UBE2E3: variants seen among roughly 807,000 people sequenced by gnomAD.
UBE2E3 encodes the protein ubiquitin conjugating enzyme E2 E3, also known as ubiquitin-conjugating enzyme E2 E3.
Under a neutral mutation model 23.6 loss-of-function variants are expected in UBE2E3, and 5 were observed. The observed-to-expected ratio is 0.21, with a 90% CI of 0.11 to 0.44. The LOEUF (loss-of-function observed/expected upper bound fraction) is 0.44, where lower values mean the gene tolerates loss of function less well. Ranked by LOEUF, UBE2E3 falls within the 20% of genes least tolerant of loss-of-function variation. UBE2E3 has a pLI of 0.99. For synonymous variants in UBE2E3, 78 were observed against 87.5 expected (o/e 0.89, Z 0.60); for missense variants, 81 against 249.8 (o/e 0.32, Z 4.55).
At chr2:181,039,298 T>C (rs1283951773) in intron 3 of UBE2E3, among the ~76,000 whole-genome samples, 2 of 152,054 alleles carry the variant, frequency 1.3e-5, no homozygotes, top group Non-Finnish European at 2.9e-5. Flanking sequence ...TATAAATAAA[T>C]TTATACTTCA....
intron 3 of UBE2E3, among the ~76,000 whole-genome samples, chr2:181,055,997 A>C (rs1371694242): frequency 6.6e-6 from 1 of 151,428 alleles, no homozygotes; most frequent in Non-Finnish European, 1.5e-5. Flanking sequence ...TTCTTACAAC[A>C]TTCGCACTGA....
At chr2:180,986,612 A>C (rs1684479015) in intron 3 of UBE2E3, among the ~76,000 whole-genome samples, 1 of 152,164 alleles carries the variant, frequency 6.6e-6, no homozygotes, top group Admixed American at 6.5e-5. Flanking sequence ...GCTATAATTA[A>C]AAATGGAATC....
chr2:181,041,146 G>T (rs1221282103), intron 3 of UBE2E3, among the ~76,000 whole-genome samples: 1 of 147,242 alleles, frequency 6.8e-6, no homozygotes, highest in Non-Finnish European at 1.5e-5. Context: ...TACTTGGGTG[G>T]CTGAGGCAGG....
intron 3 of UBE2E3, among the ~76,000 whole-genome samples, chr2:181,051,033 C>T (rs1449292926): frequency 6.6e-6 from 1 of 151,740 alleles, no homozygotes; most frequent in Non-Finnish European, 1.5e-5. Flanking sequence ...ACTTTCTTCC[C>T]AGTCTCATTC....
At chr2:180,990,531 C>T (rs1325179102) in intron 3 of UBE2E3, among the ~76,000 whole-genome samples, 1 of 152,130 alleles carries the variant, frequency 6.6e-6, no homozygotes, top group Non-Finnish European at 1.5e-5. Flanking sequence ...TTACATATGT[C>T]TTATATTATT....
Position 180,995,357 on chromosome 2 carries a change from A to G in UBE2E3, c.245+11264A>G, listed in dbSNP as rs539228263. 2.0e-5 allele frequency among the ~76,000 whole-genome samples: 3 copies of G among 152,308 alleles called. No individual in the cohort carries two copies. The South Asian group carries it at 6.2e-4, about 32-fold the overall frequency. On this transcript the variant is annotated intron_variant, in intron 3 of 5. Transcript: ENST00000410062. Reference sequence around the variant, plus strand: ...CATTTCAGACAAGCTTACAATATTGATAAATACAGTATAGTACTGTAAATG... The same window carrying G: ...CATTTCAGACAAGCTTACAATATTGGTAAATACAGTATAGTACTGTAAATG...
chr2:180,991,798 G>A lies in UBE2E3; in HGVS notation c.245+7705G>A, dbSNP rs969140698. ...AGAGCATATACAGTATGGATAAACT[G>A]GACAAAAGTATGATTCAAGCCCAAG... On this transcript the variant is annotated intron_variant, in intron 3 of 5. Coordinates refer to ENST00000410062, the MANE Select transcript of UBE2E3 (RefSeq NM_006357.4). 2.7e-5 allele frequency among the ~76,000 whole-genome samples: 4 copies of A among 149,900 alleles called. No individual in the cohort carries two copies. In the South Asian group the frequency reaches 8.5e-4, roughly 32 times the overall value.
intron 3 of UBE2E3, among the ~76,000 whole-genome samples, chr2:181,041,164 C>T (rs1686483422): frequency 7.3e-6 from 1 of 136,946 alleles, no homozygotes; most frequent in South Asian, 2.4e-4. Flanking sequence ...AGGAGAATTG[C>T]TTGAACCCGG....
At chr2:181,029,183 C>G (rs1685992428) in intron 3 of UBE2E3, among the ~76,000 whole-genome samples, 1 of 151,878 alleles carries the variant, frequency 6.6e-6, no homozygotes, top group Admixed American at 6.6e-5. Flanking sequence ...AGTTGTCTAT[C>G]TCTGCACAAA....
intron 3 of UBE2E3, among the ~76,000 whole-genome samples, chr2:181,046,048 G>A (rs894847240): frequency 1.3e-5 from 2 of 152,146 alleles, no homozygotes; most frequent in African/African-American, 4.8e-5. Context: ...GACCTTGTAT[G>A]TTCTTCTGTT....
chr2:180,990,502 T>G (rs1042052920), intron 3 of UBE2E3, among the ~76,000 whole-genome samples: 1 of 152,250 alleles, frequency 6.6e-6, no homozygotes, highest in Non-Finnish European at 1.5e-5. Context: ...CTTCACTTCC[T>G]GCTACTTCTA....
chr2:181,019,897 A>G (rs1685619798), intron 3 of UBE2E3, among the ~76,000 whole-genome samples: 1 of 152,120 alleles, frequency 6.6e-6, no homozygotes, highest in Admixed American at 6.6e-5. Flanking sequence ...AGTGTATGAT[A>G]CAATATTGTT....
chr2:180,987,660 AT>A (rs1406057344), intron 3 of UBE2E3, among the ~76,000 whole-genome samples: 4 of 152,170 alleles, frequency 2.6e-5, no homozygotes, highest in African/African-American at 2.4e-5. Flanking sequence ...AAATAAAAAA[AT>A]AATGAAATCA....
intron 3 of UBE2E3, among the ~76,000 whole-genome samples, chr2:181,018,134 T>A (rs1205819998): frequency 6.6e-6 from 1 of 152,094 alleles, no homozygotes; most frequent in Non-Finnish European, 1.5e-5. Flanking sequence ...TTCTTTACTC[T>A]TCTTGGTACT....
At chr2:181,014,972 A>G (rs1685442689) in intron 3 of UBE2E3, among the ~76,000 whole-genome samples, 2 of 152,328 alleles carry the variant, frequency 1.3e-5, no homozygotes, top group African/African-American at 4.8e-5. Flanking sequence ...GTGAGTGGGA[A>G]GGAAGAGAAC....
At chr2:181,013,068 C>T (rs1031051402) in intron 3 of UBE2E3, among the ~76,000 whole-genome samples, 5 of 152,042 alleles carry the variant, frequency 3.3e-5, no homozygotes, top group Non-Finnish European at 7.4e-5. Context: ...CTCAAGTAAT[C>T]CTCCCACCTC....
intron 2 of UBE2E3, among the ~76,000 whole-genome samples, chr2:180,982,725 A>C (rs371506491): frequency 6.6e-6 from 1 of 152,210 alleles, no homozygotes; most frequent in Non-Finnish European, 1.5e-5. Context: ...TTGTGCTGCA[A>C]ATCTGCTTAC....
chr2:181,052,835 C>G (rs1686882249), intron 3 of UBE2E3, among the ~76,000 whole-genome samples: 1 of 151,712 alleles, frequency 6.6e-6, no homozygotes, highest in East Asian at 1.9e-4. Flanking sequence ...CTCTGCTGTT[C>G]CAGGAGTCTT....
At chr2:181,000,886 G>T (rs952605531) in intron 3 of UBE2E3, among the ~76,000 whole-genome samples, 2 of 152,132 alleles carry the variant, frequency 1.3e-5, no homozygotes, top group African/African-American at 4.8e-5. Context: ...CGTAAAGTAA[G>T]AATTCTTGTG....
Sources: gnomAD v4.1 joint callset for allele counts (sites outside exome capture counted in the v4.1 genomes callset) on GRCh38, gnomAD v4.1.1 for gene constraint, MANE v1.5 for transcripts, NCBI Gene and HGNC (gene_info 2026-07-23, HGNC 2026-07-21) for gene names.